The following MTERF4 variants were observed in gnomAD, a reference collection of about 807,000 sequenced individuals.
MTERF4 encodes the protein transcription termination factor 4, mitochondrial.
Under a neutral mutation model 22.5 loss-of-function variants are expected in MTERF4, and 17 were observed. The ratio of observed to expected loss-of-function variants is 0.75; its 90% CI spans 0.52 to 1.13. MTERF4 has a LOEUF of 1.13. MTERF4 is among the 50% of genes most tolerant of loss of function. The pLI, the probability that MTERF4 is intolerant of heterozygous loss-of-function variation, is 0.00. For synonymous variants in MTERF4, 165 were observed against 175.3 expected (o/e 0.94, Z 0.47); for missense variants, 420 against 466.8 (o/e 0.90, Z 0.92).
At chr2:241,060,000 C>T in the MTERF4 span, among the ~76,000 whole-genome samples, 1 of 152,060 alleles carries the variant, frequency 6.6e-6, no homozygotes, top group African/African-American at 2.4e-5. Context: ...GGAAATTCTA[C>T]AAAAGAAGCT....
the MTERF4 span, chr2:241,051,756 T>C: frequency 1.3e-6 from 2 of 1,522,484 alleles, no homozygotes; most frequent in Admixed American, 2.1e-5. The surrounding 1 kb of genome is among the most constrained non-coding windows in gnomAD (Gnocchi z 4.7). Flanking sequence ...CGGCCACACC[T>C]GTGCAGCTCA....
At chr2:241,087,749 T>C (rs1178030822), downstream of MTERF4, 8 of 1,245,022 alleles carry the variant, frequency 6.4e-6, no homozygotes, top group East Asian at 2.9e-5. Context: ...GGTGCTACAA[T>C]TGGGAAGCAC....
the MTERF4 span, among the ~76,000 whole-genome samples, chr2:241,045,890 G>A: frequency 9.4e-4 from 143 of 152,266 alleles, no homozygotes; most frequent in African/African-American, 3.3e-3. Context: ...AGGAGAAAAC[G>A]TTTGCAAAAC....
Position 241,073,769 on chromosome 2 carries a change from A to G in MTERF4, n.2393T>C, listed in dbSNP as rs1277400523. 1 of 347,268 alleles carries G rather than the reference A, an allele frequency of 2.9e-6. No homozygotes were observed. The allele number at this position is 347,268 out of a possible 1,614,324, so 21.5% of individuals were successfully genotyped here. On this transcript the variant is annotated non_coding_transcript_exon_variant, in exon 5 of 5. Transcript: ENST00000464344. This position sits in a 1 kb window ranked among gnomAD's most constrained non-coding sequence, Gnocchi z 6.6. ...GATGGGAGAAGCAGAGGGAGCAGCC[A>G]CTGGGCGAGCCCCAGCTTGAGGACT...
In MTERF4 at chr2:241,095,745, A is replaced by G. The variant is rs147619273; in HGVS notation, c.*253T>C. The G allele has an allele frequency of 1.6e-3, 853 of 549,176 alleles. 5 individuals carry two copies. The highest frequency in any genetic ancestry group is 0.015 in the African/African-American group (781 of 52,622). 34.0% of individuals were successfully genotyped at this position (549,176 alleles called of 1,614,324 possible). ...GTCCCCTTGATGTGAATAGCTCAAC[A>G]TAAGTATCTTATTCAGGATGGGACA... On this transcript the variant is annotated 3_prime_UTR_variant, in exon 4 of 4. Coordinates refer to ENST00000391980, the MANE Select transcript of MTERF4 (RefSeq NM_182501.4).
At chr2:241,085,437 T>G (rs1381542607), downstream of MTERF4, among the ~76,000 whole-genome samples, 2 of 152,242 alleles carry the variant, frequency 1.3e-5, no homozygotes, top group Non-Finnish European at 2.9e-5. Flanking sequence ...CATTTAGTTG[T>G]TTCTTAGATG....
the MTERF4 span, among the ~76,000 whole-genome samples, chr2:241,059,382 G>C: frequency 6.6e-6 from 1 of 152,122 alleles, no homozygotes; most frequent in African/African-American, 2.4e-5. Context: ...AATCTAGGAG[G>C]GAAGAACACT....
downstream of MTERF4, chr2:241,089,861 ACACAC>A: frequency 6.9e-7 from 1 of 1,453,100 alleles, no homozygotes; most frequent in Non-Finnish European, 9.1e-7. Flanking sequence ...CTCCCGGGCT[ACACAC>A]CACAGCGTGT....
intron 4 of MTERF4, chr2:241,081,904 C>A: frequency 1.2e-6 from 1 of 803,224 alleles, no homozygotes; most frequent in Non-Finnish European, 2.1e-6. Flanking sequence ...CGATGAGGTG[C>A]CAGACAGGGA....
Position 241,073,600 on chromosome 2 carries a change from C to T in MTERF4, n.2562G>A. 3.4e-6 allele frequency: 2 copies of T among 586,474 alleles called. No homozygotes were observed. The highest frequency in any genetic ancestry group is 6.1e-6 in the Non-Finnish European group (2 of 326,900). 36.3% of individuals were successfully genotyped at this position (586,474 alleles called of 1,614,324 possible). Reference sequence around the variant, plus strand: ...GGGGGCAGGACCCACCCAAACCACCCAGAGTCTGAGCTAGAGAGACTGGCT... The same window carrying T: ...GGGGGCAGGACCCACCCAAACCACCTAGAGTCTGAGCTAGAGAGACTGGCT... On this transcript the variant is annotated non_coding_transcript_exon_variant, in exon 5 of 5. Coordinates refer to the MTERF4 transcript ENST00000464344. The surrounding 1 kb of genome is among the most constrained non-coding windows in gnomAD (Gnocchi z 6.6).
At chr2:241,051,548 T>C in the MTERF4 span, 4 of 447,112 alleles carry the variant, frequency 8.9e-6, no homozygotes, top group Non-Finnish European at 1.2e-5. This position sits in a 1 kb window ranked among gnomAD's most constrained non-coding sequence, Gnocchi z 4.7. Flanking sequence ...TGAGTTGGGG[T>C]CTCCAGCCTG....
chr2:241,068,003 G>T, downstream of MTERF4: 1 of 1,490,980 alleles, frequency 6.7e-7, no homozygotes, highest in Non-Finnish European at 9.2e-7. This position sits in a 1 kb window ranked among gnomAD's most constrained non-coding sequence, Gnocchi z 5.3. Context: ...TGGGGGCTCG[G>T]GGACACGGGG....
At chr2:241,101,201 C>A (rs767924202) in intron 1 of MTERF4, 12 of 466,856 alleles carry the variant, frequency 2.6e-5, no homozygotes, top group Admixed American at 1.6e-4. Context: ...AGCTTGTTTT[C>A]CTACAACCAG....
At chr2:241,070,763 A>G (rs1348587952), downstream of MTERF4, among the ~76,000 whole-genome samples, 1 of 152,196 alleles carries the variant, frequency 6.6e-6, no homozygotes, top group Non-Finnish European at 1.5e-5. Flanking sequence ...CGCCCCACTT[A>G]GGTCTTCCAA....
downstream of MTERF4, among the ~76,000 whole-genome samples, chr2:241,085,288 A>G (rs2063522646): frequency 6.6e-6 from 1 of 152,128 alleles, no homozygotes; most frequent in Non-Finnish European, 1.5e-5. Flanking sequence ...GCTCTTCTCA[A>G]CTTTTTCAGT....
chr2:241,067,521 G>A (rs545980659), downstream of MTERF4, among the ~76,000 whole-genome samples: 25 of 152,314 alleles, frequency 1.6e-4, no homozygotes, highest in Admixed American at 3.9e-4. Flanking sequence ...CTGGTAAGAC[G>A]GGCTGGCCCA....
At chr2:241,090,868 CAAAAAAAA>C (rs371271027), downstream of MTERF4, among the ~76,000 whole-genome samples, 778 of 100,794 alleles carry the variant, frequency 7.7e-3, 8 homozygotes, top group African/African-American at 0.028. Context: ...CCCTCTGTCT[CAAAAAAAA>C]AAAAAAAAGA....
chr2:241,063,562 C>T, the MTERF4 span: 2 of 1,523,910 alleles, frequency 1.3e-6, no homozygotes, highest in Admixed American at 1.8e-5. Flanking sequence ...GCCAGCAACA[C>T]CCTTGACACC....
chr2:241,059,987 T>C, the MTERF4 span, among the ~76,000 whole-genome samples: 5 of 152,146 alleles, frequency 3.3e-5, no homozygotes, highest in African/African-American at 1.2e-4. Flanking sequence ...TAGAAAATCC[T>C]AAGGAAATTC....
Sources: allele counts gnomAD v4.1 joint callset (sites outside exome capture counted in the v4.1 genomes callset), GRCh38; gene constraint gnomAD v4.1.1; non-coding constraint Gnocchi (gnomAD v3.1); transcripts MANE v1.5; gene names NCBI Gene and HGNC (gene_info 2026-07-23, HGNC 2026-07-21).